CNOT6: variants seen among roughly 807,000 people sequenced by gnomAD.
The protein encoded by CNOT6 is CCR4-NOT transcription complex subunit 6.
A neutral mutation model predicts 61.2 loss-of-function variants in CNOT6; 12 were observed. The ratio of observed to expected loss-of-function variants is 0.20; its 90% CI spans 0.13 to 0.32. The LOEUF (loss-of-function observed/expected upper bound fraction) is 0.32. Ranked by LOEUF, CNOT6 falls within the 10% of genes least tolerant of loss-of-function variation. The probability of loss-of-function intolerance (pLI) is 1.00; values close to 1 mark genes in which losing one functional copy is unlikely to be tolerated. For missense variants in CNOT6, 405 were observed against 663.9 expected, an observed-to-expected ratio of 0.61 and a Z score of 4.28; for synonymous variants, 225 against 240.6, an observed-to-expected ratio of 0.94 and a Z score of 0.60.
intron 1 of CNOT6, among the ~76,000 whole-genome samples, chr5:180,508,430 G>C (rs1271928473): frequency 1.3e-5 from 2 of 152,080 alleles, no homozygotes; most frequent in African/African-American, 4.8e-5. Context: ...ACCTGCCTCA[G>C]CCTCCTGGGT....
chr5:180,509,351 A>G (rs986091507), intron 1 of CNOT6, among the ~76,000 whole-genome samples: 1 of 151,052 alleles, frequency 6.6e-6, no homozygotes, highest in African/African-American at 2.4e-5. Context: ...CTGGTCTTGA[A>G]CTCCTGGGCT....
intron 2 of CNOT6, among the ~76,000 whole-genome samples, chr5:180,536,522 A>G (rs2127728737): frequency 6.6e-6 from 1 of 152,104 alleles, no homozygotes; most frequent in Non-Finnish European, 1.5e-5. Context: ...GGAGTGGTAT[A>G]ATCTCAAACT....
At chr5:180,537,787 TA>T (rs1758772469) in intron 2 of CNOT6, among the ~76,000 whole-genome samples, 1 of 145,416 alleles carries the variant, frequency 6.9e-6, no homozygotes, top group African/African-American at 2.6e-5. Context: ...TAGTTAGATT[TA>T]TTCCTCTTTC....
chr5:180,549,614 AC>A (rs1450032228), intron 2 of CNOT6, among the ~76,000 whole-genome samples: 1 of 151,938 alleles, frequency 6.6e-6, no homozygotes, highest in African/African-American at 2.4e-5. Context: ...ACGCCACTGC[AC>A]TCCAGCCTGG....
In CNOT6 at chr5:180,496,405, C is replaced by T. The variant is rs60358370; in HGVS notation, c.-3+1642C>T. On this transcript the variant is annotated intron_variant, in intron 1 of 11. Transcript: ENST00000261951. ...GGAGGGAAAGGACCGGGTTTGTGTG[C>T]GTGTGAGAGCGCATGAGTGTGCGAC... 3.7e-3 allele frequency among the ~76,000 whole-genome samples: 569 copies of T among 152,170 alleles called. 3 individuals carry two copies. The highest frequency in any genetic ancestry group is 0.012 in the African/African-American group (510 of 41,514).
Position 180,530,288 on chromosome 5 carries a change from A to C in CNOT6, c.112+900A>C, listed in dbSNP as rs1422591718. Among the ~76,000 whole-genome samples the C allele has an allele frequency of 4.3e-4, 66 of 152,244 alleles. 1 individual carries two copies. The highest frequency in any genetic ancestry group is 4.2e-3 in the Admixed American group (64 of 15,280). On this transcript the variant is annotated intron_variant, in intron 2 of 11. Transcript: ENST00000261951. ...CCTGGCGCTGGCCCACGTGCGTGGA[A>C]GATCTATAAAGTCCCGCTTTTTATG...
intron 1 of CNOT6, among the ~76,000 whole-genome samples, chr5:180,497,559 A>G (rs1366656857): frequency 6.6e-6 from 1 of 152,140 alleles, no homozygotes; most frequent in Admixed American, 6.6e-5. Context: ...CCCATATGCA[A>G]GGTCCACTGG....
At chr5:180,517,311 TAC>T (rs918019784) in intron 1 of CNOT6, among the ~76,000 whole-genome samples, 1 of 152,154 alleles carries the variant, frequency 6.6e-6, no homozygotes, top group African/African-American at 2.4e-5. Flanking sequence ...GTATTTTTAG[TAC>T]AGACTGGGTT....
chr5:180,531,670 G>T (rs1475828122), intron 2 of CNOT6, among the ~76,000 whole-genome samples: 1 of 152,176 alleles, frequency 6.6e-6, no homozygotes, highest in South Asian at 2.1e-4. Flanking sequence ...CCGAGATCAC[G>T]CCACTGCACT....
chr5:180,521,775 C>T (rs1757891475), intron 1 of CNOT6, among the ~76,000 whole-genome samples: 1 of 152,156 alleles, frequency 6.6e-6, no homozygotes. Context: ...GTGTTTAGCT[C>T]CCACTTACAC....
chr5:180,542,390 G>A (rs6863926), intron 2 of CNOT6, among the ~76,000 whole-genome samples: 25,647 of 151,592 alleles, frequency 0.17, 2,273 homozygotes, highest in Non-Finnish European at 0.19. Context: ...TCAGCCTCCC[G>A]AGTAGCTGGG....
chr5:180,511,712 G>T (rs545825039), intron 1 of CNOT6, among the ~76,000 whole-genome samples: 1 of 152,202 alleles, frequency 6.6e-6, no homozygotes, highest in African/African-American at 2.4e-5. Context: ...GCTGCAGTGA[G>T]CCATGATTGT....
chr5:180,574,313 C>T lies in CNOT6; in HGVS notation c.*113C>T, dbSNP rs187936736. 1.6e-4 allele frequency: 132 copies of T among 840,000 alleles called. 1 individual carries two copies. The East Asian group carries it at 1.9e-3, about 12-fold the overall frequency. 52.0% of individuals were successfully genotyped at this position (840,000 alleles called of 1,614,324 possible). On this transcript the variant is annotated 3_prime_UTR_variant, in exon 12 of 12. Transcript: ENST00000261951. ...TTTGCTTGCTTAAGAATGATTTGGA[C>T]TTTCAATCTGATTATTTGATAAGGA...
intron 1 of CNOT6, among the ~76,000 whole-genome samples, chr5:180,528,190 CTG>C (rs1248377696): frequency 1.3e-5 from 2 of 152,114 alleles, no homozygotes; most frequent in African/African-American, 4.8e-5. Flanking sequence ...AGATTGTAAA[CTG>C]ATTATTTTCT....
intron 4 of CNOT6, among the ~76,000 whole-genome samples, chr5:180,562,955 G>A (rs1338678540): frequency 2.0e-5 from 3 of 152,194 alleles, no homozygotes; most frequent in South Asian, 2.1e-4. Context: ...CCACACACAC[G>A]TGAGAGAATG....
At chr5:180,502,585 C>G (rs896196992) in intron 1 of CNOT6, among the ~76,000 whole-genome samples, 9 of 152,210 alleles carry the variant, frequency 5.9e-5, no homozygotes, top group Non-Finnish European at 1.3e-4. Flanking sequence ...TAGACATGGT[C>G]ATTTTCTTTC....
intron 1 of CNOT6, among the ~76,000 whole-genome samples, chr5:180,518,308 T>C (rs1248835641): frequency 6.6e-6 from 1 of 152,238 alleles, no homozygotes; most frequent in African/African-American, 2.4e-5. Context: ...GCTCATTTTA[T>C]ACATTTCCTG....
intron 3 of CNOT6, among the ~76,000 whole-genome samples, chr5:180,550,863 T>C (rs1759560411): frequency 6.6e-6 from 1 of 152,192 alleles, no homozygotes; most frequent in Non-Finnish European, 1.5e-5. Context: ...ATTATTAAAT[T>C]TGGGGGCCTG....
rs1759342599 is a variant in CNOT6 at position 180,546,873 on chromosome 5, T to TA, written c.113-3057dup. ...AAGTGATTTGGATTTCAGATTTTTT[T>TA]ATTTTTTATTTTTGAATGCTTACAT... On this transcript the variant is annotated intron_variant, in intron 2 of 11. Transcript: ENST00000261951. Among the ~76,000 whole-genome samples, 8 of 152,364 alleles carry TA rather than the reference T, an allele frequency of 5.3e-5. No homozygotes were observed. In the South Asian group the frequency reaches 1.7e-3, roughly 32 times the overall value.
Sources: gnomAD v4.1 joint callset for allele counts (sites outside exome capture counted in the v4.1 genomes callset) on GRCh38, gnomAD v4.1.1 for gene constraint, MANE v1.5 for transcripts, NCBI Gene and HGNC (gene_info 2026-07-23, HGNC 2026-07-21) for gene names.